The following L3MBTL3 variants were observed in gnomAD, a reference collection of about 807,000 sequenced individuals.
The protein encoded by L3MBTL3 is L3MBTL histone methyl-lysine binding protein 3.
L3MBTL3 carries 27 observed loss-of-function variants against 102.3 expected under a neutral mutation model. The ratio of observed to expected loss-of-function variants is 0.26; its 90% confidence interval spans 0.19 to 0.36. L3MBTL3 has a LOEUF of 0.36. L3MBTL3 is among the 10% of genes least tolerant of loss of function. The probability of loss-of-function intolerance (pLI) is 1.00; values close to 1 mark genes in which losing one functional copy is unlikely to be tolerated. For missense variants in L3MBTL3, 798 were observed against 955.3 expected (o/e 0.84, Z 2.17); for synonymous variants, 340 against 320.9 (o/e 1.06, Z -0.64).
intron 8 of L3MBTL3, among the ~76,000 whole-genome samples, chr6:130,056,907 C>A (rs193045069): frequency 1.3e-3 from 197 of 152,176 alleles, no homozygotes; most frequent in African/African-American, 4.3e-3. Flanking sequence ...CAAATTAATC[C>A]AAAATATATA....
chr6:130,073,948 GT>G (rs1296994293), intron 13 of L3MBTL3, among the ~76,000 whole-genome samples: 1 of 152,108 alleles, frequency 6.6e-6, no homozygotes, highest in Admixed American at 6.5e-5. Context: ...AAAACAGTGT[GT>G]TTTCTTCCTC....
At chr6:130,135,070 C>CTTTT (rs5880000) in intron 22 of L3MBTL3, among the ~76,000 whole-genome samples, 2 of 127,414 alleles carry the variant, frequency 1.6e-5, no homozygotes, top group African/African-American at 5.9e-5. Flanking sequence ...CTGTTTTTTC[C>CTTTT]TTTTTTTTTT....
intron 4 of L3MBTL3, 37 bp downstream of exon 4, chr6:130,049,430 T>C (rs575122134): frequency 7.8e-7 from 1 of 1,279,738 alleles, no homozygotes; most frequent in South Asian, 1.3e-5. Context: ...TTCTTGCTTT[T>C]GAAAGATTTG....
intron 1 of L3MBTL3, chr6:130,019,235 G>A (rs1176042210): frequency 6.8e-6 from 1 of 146,534 alleles, no homozygotes; most frequent in African/African-American, 2.5e-5. Flanking sequence ...GGGCTCCACC[G>A]GGGTGCGTGT....
intron 2 of L3MBTL3, among the ~76,000 whole-genome samples, chr6:130,039,527 C>T (rs975143662): frequency 6.6e-6 from 1 of 151,812 alleles, no homozygotes; most frequent in South Asian, 2.1e-4. Context: ...TATTGGCTTT[C>T]AGACTTTTTG....
chr6:130,072,644 A>G (rs1157977026), intron 13 of L3MBTL3, among the ~76,000 whole-genome samples: 3 of 152,238 alleles, frequency 2.0e-5, no homozygotes, highest in African/African-American at 7.2e-5. Flanking sequence ...ATCAACTTAT[A>G]TCCAGTATGT....
chr6:130,106,312 GT>G (rs1784978309), intron 19 of L3MBTL3, among the ~76,000 whole-genome samples: 1 of 152,052 alleles, frequency 6.6e-6, no homozygotes, highest in African/African-American at 2.4e-5. Flanking sequence ...TCTTTTCACT[GT>G]TTTTGTAACT....
At chr6:130,097,272 TCTTA>T (rs1466672706) in intron 18 of L3MBTL3, among the ~76,000 whole-genome samples, 12 of 152,228 alleles carry the variant, frequency 7.9e-5, no homozygotes, top group Admixed American at 3.9e-4. Context: ...TTACTTTTGT[TCTTA>T]CTAAGAATGC....
intron 2 of L3MBTL3, among the ~76,000 whole-genome samples, chr6:130,024,502 G>A (rs1399353503): frequency 6.6e-6 from 1 of 152,126 alleles, no homozygotes; most frequent in African/African-American, 2.4e-5. Flanking sequence ...TAGTCCCTGA[G>A]TAATTGAGAG....
chr6:130,070,737 T>G, intron 12 of L3MBTL3: 1 of 342,852 alleles, frequency 2.9e-6, no homozygotes. Context: ...GTGATGGATA[T>G]TTTCGTTTTG....
chr6:130,030,683 A>AG (rs1779663167), intron 2 of L3MBTL3, among the ~76,000 whole-genome samples: 1 of 150,860 alleles, frequency 6.6e-6, no homozygotes, highest in Non-Finnish European at 1.5e-5. Flanking sequence ...AAAAAAAAAA[A>AG]AAAAAAAAAA....
chr6:130,029,726 C>T (rs1779592221), intron 2 of L3MBTL3, among the ~76,000 whole-genome samples: 1 of 152,138 alleles, frequency 6.6e-6, no homozygotes, highest in Non-Finnish European at 1.5e-5. Flanking sequence ...GGCCTTCGCA[C>T]AGTTTTCATT....
chr6:130,059,907 C>A (rs779699381), intron 9 of L3MBTL3, 129 bp from the exon 10 acceptor site: 4 of 570,118 alleles, frequency 7.0e-6, no homozygotes, highest in Middle Eastern at 8.5e-4. Flanking sequence ...TTATTGATTT[C>A]TTTTTCTTTG....
intron 10 of L3MBTL3, among the ~76,000 whole-genome samples, chr6:130,063,338 A>AGGG (rs1782034477): frequency 6.6e-6 from 1 of 152,058 alleles, no homozygotes; most frequent in African/African-American, 2.4e-5. Context: ...AAGGAGGAGG[A>AGGG]GGGGGATTTG....
intron 2 of L3MBTL3, among the ~76,000 whole-genome samples, chr6:130,023,763 G>A (rs765022160): frequency 1.3e-5 from 2 of 152,192 alleles, no homozygotes; most frequent in African/African-American, 2.4e-5. Flanking sequence ...AGGGCTGGAG[G>A]TAGATTGTCT....
intron 19 of L3MBTL3, among the ~76,000 whole-genome samples, chr6:130,109,435 A>T (rs796950087): frequency 6.6e-6 from 1 of 152,096 alleles, no homozygotes; most frequent in African/African-American, 2.4e-5. Flanking sequence ...TGTGGTTTTG[A>T]TTTGCATTTA....
chr6:130,024,545 GT>G (rs1779214114), intron 2 of L3MBTL3, among the ~76,000 whole-genome samples: 1 of 152,146 alleles, frequency 6.6e-6, no homozygotes, highest in Admixed American at 6.5e-5. Flanking sequence ...TGGGTTGGTA[GT>G]TTATTTTTAA....
rs553629452 is a variant in L3MBTL3 at position 130,128,744 on chromosome 6, A to T, written c.1967-4708A>T. 2.4e-3 allele frequency among the ~76,000 whole-genome samples: 367 copies of T among 152,332 alleles called. 5 individuals are homozygous for T. The highest frequency in any genetic ancestry group is 3.6e-3 in the Non-Finnish European group (244 of 68,028). ...CTTGGAATTGTGGAGTCAGTGGATG[A>T]TAACTCAGAAGGAATCTTTTCCAGG... On this transcript the variant is annotated intron_variant, in intron 20 of 22. Transcript: ENST00000361794.
At chr6:130,065,067 GGAGA>G (rs67822704) in intron 10 of L3MBTL3, among the ~76,000 whole-genome samples, 80,877 of 151,444 alleles carry the variant, frequency 0.53, 25,152 homozygotes, top group East Asian at 0.76. Flanking sequence ...TCAGCTGTAT[GGAGA>G]GACTCTGTTC....
Sources: allele counts gnomAD v4.1 joint callset (sites outside exome capture counted in the v4.1 genomes callset), GRCh38; gene constraint gnomAD v4.1.1; transcripts MANE v1.5; gene names NCBI Gene and HGNC (gene_info 2026-07-23, HGNC 2026-07-21).